Variants in CDH11 observed in about 807,000 individuals in gnomAD.
CDH11 encodes the protein cadherin 11.
Under a neutral mutation model 67.8 loss-of-function variants are expected in CDH11, and 11 were observed. The observed-to-expected ratio is 0.16, with a 90% confidence interval of 0.10 to 0.27. CDH11 has a LOEUF of 0.27. CDH11 is among the 10% of genes least tolerant of loss of function. The pLI is 1.00. For missense variants in CDH11, 847 were observed against 1,031.2 expected (o/e 0.82, Z 2.45); for synonymous variants, 419 against 400.0 (o/e 1.05, Z -0.57).
At chr16:65,123,602 CGCCCGGGT>C (rs2075371562), upstream of CDH11, 2 of 152,226 alleles carry the variant, frequency 1.3e-5, no homozygotes, top group South Asian at 4.1e-4. Flanking sequence ...CGCCCGCAGC[CGCCCGGGT>C]TTCCACACGG....
In CDH11 at chr16:65,121,786, G is replaced by T. The variant is rs1597221253; in HGVS notation, c.-298+94C>A. On this transcript the variant is annotated intron_variant, in intron 1 of 12. Transcript: ENST00000268603. This position sits in a 1 kb window ranked among gnomAD's most constrained non-coding sequence, Gnocchi z 4.1. ...ATACCACCGTCCCCCTCACCACCCC[G>T]CCCCGCCAAGACATTCTCTTCCTGA... 1 of 581,720 alleles carries T rather than the reference G, an allele frequency of 1.7e-6. No individual in the cohort carries two copies. Among genetic ancestry groups the T allele is most frequent in the Non-Finnish European group, 3.2e-6 (1 of 312,984 alleles). The allele number at this position is 581,720 out of a possible 1,614,324, so 36.0% of individuals were successfully genotyped here. A position where few individuals can be genotyped will look rare whatever the true frequency, so the allele number is the denominator to read the frequency against.
chr16:65,060,367 A>AGC (rs2074218488), intron 1 of CDH11, among the ~76,000 whole-genome samples: 1 of 151,674 alleles, frequency 6.6e-6, no homozygotes, highest in African/African-American at 2.4e-5. Context: ...AGAGAGAGAG[A>AGC]GAGAGACTAT....
chr16:64,961,305 G>T (rs1037834884), intron 11 of CDH11, among the ~76,000 whole-genome samples: 1 of 152,088 alleles, frequency 6.6e-6, no homozygotes, highest in Non-Finnish European at 1.5e-5. Context: ...GAGTATTTTT[G>T]TTGTCGTTAT....
intron 1 of CDH11, among the ~76,000 whole-genome samples, chr16:65,097,583 T>C (rs1432478620): frequency 6.8e-6 from 1 of 146,712 alleles, no homozygotes. Context: ...CAAATGTCTC[T>C]AGATCTTGCC....
At chr16:64,976,893 A>G (rs1345307081) in intron 8 of CDH11, among the ~76,000 whole-genome samples, 2 of 147,098 alleles carry the variant, frequency 1.4e-5, no homozygotes, top group Non-Finnish European at 3.0e-5. Context: ...CAACCAACCA[A>G]CAAAAAAGCT....
chr16:65,038,813 A>C (rs866770217), intron 2 of CDH11, among the ~76,000 whole-genome samples: 2 of 152,238 alleles, frequency 1.3e-5, no homozygotes, highest in Non-Finnish European at 2.9e-5. Flanking sequence ...CTGTAAAAGC[A>C]GACTTGGTCT....
chr16:64,946,414 C>T lies in CDH11; in HGVS notation c.*1189G>A, dbSNP rs1292506512. 9.7e-7 allele frequency: 1 copy of T among 1,034,974 alleles called. No homozygotes were observed. The highest frequency in any genetic ancestry group is 1.7e-5 in the African/African-American group (1 of 59,486). The allele number at this position is 1,034,974 out of a possible 1,614,324, so 64.1% of individuals were successfully genotyped here. A position where few individuals can be genotyped will look rare whatever the true frequency, so the allele number is the denominator to read the frequency against. Reference sequence around the variant, plus strand: ...TAGAGTTCTGATAGCTCCATTCCCTCATGGATTCATCTCTCATAACCATCA... The same window carrying T: ...TAGAGTTCTGATAGCTCCATTCCCTTATGGATTCATCTCTCATAACCATCA... On this transcript the variant is annotated 3_prime_UTR_variant, in exon 13 of 13. Transcript: ENST00000268603.
chr16:65,086,588 G>A (rs1035177849), intron 1 of CDH11, among the ~76,000 whole-genome samples: 1 of 152,180 alleles, frequency 6.6e-6, no homozygotes, highest in Non-Finnish European at 1.5e-5. Context: ...AAAGCTCTCC[G>A]AAAACAGAAA....
chr16:65,058,583 C>A (rs1202369645), intron 1 of CDH11, among the ~76,000 whole-genome samples: 1 of 152,178 alleles, frequency 6.6e-6, no homozygotes, highest in Non-Finnish European at 1.5e-5. Flanking sequence ...AGTTAATAAT[C>A]TCCATTGGGT....
At chr16:65,063,550 A>G (rs2074266297) in intron 1 of CDH11, among the ~76,000 whole-genome samples, 1 of 152,160 alleles carries the variant, frequency 6.6e-6, no homozygotes, top group South Asian at 2.1e-4. Flanking sequence ...GAGGCTGGAT[A>G]CCTACACTTG....
chr16:65,080,552 T>C (rs2074593351), intron 1 of CDH11, among the ~76,000 whole-genome samples: 1 of 152,332 alleles, frequency 6.6e-6, no homozygotes, highest in East Asian at 1.9e-4. Flanking sequence ...TATCTTTCTT[T>C]GATTAGTAAC....
At chr16:65,033,369 C>T (rs905884037) in intron 2 of CDH11, among the ~76,000 whole-genome samples, 11 of 152,148 alleles carry the variant, frequency 7.2e-5, no homozygotes, top group African/African-American at 2.7e-4. Flanking sequence ...TGGTTATTCT[C>T]TCTTTAGATT....
At chr16:65,005,669 G>A (rs572000376) in intron 2 of CDH11, among the ~76,000 whole-genome samples, 1 of 152,256 alleles carries the variant, frequency 6.6e-6, no homozygotes, top group South Asian at 2.1e-4. Context: ...ATGGATTAAG[G>A]TCTCTTTGGT....
At chr16:65,035,791 T>C (rs1417623942) in intron 2 of CDH11, among the ~76,000 whole-genome samples, 1 of 152,182 alleles carries the variant, frequency 6.6e-6, no homozygotes, top group East Asian at 1.9e-4. Context: ...AAGCATTAAG[T>C]CATACCTAGT....
At chr16:64,968,117 C>T (rs2071892361) in intron 11 of CDH11, among the ~76,000 whole-genome samples, 1 of 152,076 alleles carries the variant, frequency 6.6e-6, no homozygotes, top group Non-Finnish European at 1.5e-5. Context: ...ACCAACAGGG[C>T]CCTCCAAATA....
chr16:64,951,944 G>A (rs775270181), intron 11 of CDH11, among the ~76,000 whole-genome samples: 6 of 151,936 alleles, frequency 3.9e-5, no homozygotes, highest in Non-Finnish European at 5.9e-5. Flanking sequence ...AAAACACAGC[G>A]CACCTCTGCC....
intron 11 of CDH11, among the ~76,000 whole-genome samples, chr16:64,966,821 T>C (rs572255309): frequency 2.8e-4 from 43 of 152,260 alleles, no homozygotes; most frequent in Non-Finnish European, 5.3e-4. Context: ...CATTAAAACA[T>C]TAGGAAAATC....
rs2072016211 is a variant in CDH11, at chr16:64,971,958, A to G, written c.1497T>C (p.Ser499=). 6.2e-7 allele frequency: 1 copy of G among 1,613,848 alleles called. No homozygotes were observed. The highest frequency in any genetic ancestry group is 1.3e-5 in the African/African-American group (1 of 74,872). The change falls in exon 10 of 13, where the codon AGT becomes AGC. Residue 499 remains serine (S), a synonymous_variant. Transcript: ENST00000268603. The part of the protein sequence containing the change: ...AAPYEGFICE[S]DQTKPLSNQP... ...GGTTGGAAAGTGGCTTGGTCTGATC[A>G]CTCTCACAGATGAAACCTTCATAAG... is the stretch of plus-strand genomic sequence containing the variant.
At chr16:64,961,448 T>C (rs964582663) in intron 11 of CDH11, among the ~76,000 whole-genome samples, 2 of 152,156 alleles carry the variant, frequency 1.3e-5, no homozygotes, top group African/African-American at 4.8e-5. Flanking sequence ...GTAAAGCTTG[T>C]AGCCCTGGGG....
Sources: gnomAD v4.1 joint callset for allele counts (sites outside exome capture counted in the v4.1 genomes callset) on GRCh38, gnomAD v4.1.1 for gene constraint, Gnocchi (gnomAD v3.1) non-coding constraint, MANE v1.5 for transcripts, NCBI Gene and HGNC (gene_info 2026-07-23, HGNC 2026-07-21) for gene names.